Variants in TAF3 observed in about 807,000 individuals in gnomAD.
The protein encoded by TAF3 is TATA-box binding protein associated factor 3, also known as transcription initiation factor TFIID subunit 3.
TAF3 carries 7 observed loss-of-function variants against 80.6 expected under a neutral mutation model. The ratio of observed to expected loss-of-function variants is 0.09; its 90% CI spans 0.05 to 0.16. The LOEUF (loss-of-function observed/expected upper bound fraction) is 0.16, where lower values mean the gene tolerates loss of function less well. Ranked by LOEUF, TAF3 falls within the 10% of genes least tolerant of loss-of-function variation. TAF3 has a pLI of 1.00. For missense variants in TAF3, 921 were observed against 1,140.2 expected (o/e 0.81, Z 2.77); for synonymous variants, 444 against 446.1 (o/e 1.00, Z 0.06).
intron 4 of TAF3, among the ~76,000 whole-genome samples, chr10:7,998,267 A>ATATATG (rs1831909683): frequency 2.2e-5 from 1 of 45,924 alleles, no homozygotes; most frequent in African/African-American, 5.6e-5. Context: ...ATATATATGT[A>ATATATG]TATATATATA....
At chr10:7,855,830 C>T (rs1837073349) in intron 2 of TAF3, among the ~76,000 whole-genome samples, 1 of 151,770 alleles carries the variant, frequency 6.6e-6, no homozygotes, top group African/African-American at 2.4e-5. Flanking sequence ...ACCTGTAATC[C>T]CAGCTCTCAG....
chr10:7,975,687 C>A (rs1198067172), intron 3 of TAF3, among the ~76,000 whole-genome samples: 1 of 152,124 alleles, frequency 6.6e-6, no homozygotes, highest in African/African-American at 2.4e-5. Flanking sequence ...AGCAGTAGAT[C>A]TTGATGGGCT....
intron 2 of TAF3, among the ~76,000 whole-genome samples, chr10:7,922,736 A>C (rs1476097734): frequency 6.6e-6 from 1 of 152,108 alleles, no homozygotes; most frequent in Non-Finnish European, 1.5e-5. Flanking sequence ...CCAGTTTTAC[A>C]TACTGGAACG....
At chr10:7,925,000 A>G (rs1252152044) in intron 2 of TAF3, among the ~76,000 whole-genome samples, 3 of 152,236 alleles carry the variant, frequency 2.0e-5, no homozygotes, top group Non-Finnish European at 4.4e-5. Flanking sequence ...GAAATACTCT[A>G]GATTTGTAAG....
chr10:7,975,228 A>G (rs1831661921), intron 3 of TAF3: 1 of 175,056 alleles, frequency 5.7e-6, no homozygotes, highest in African/African-American at 2.4e-5. Flanking sequence ...TTTGTAGGGA[A>G]TTGACAGAGC....
At chr10:7,931,054 A>G (rs1053045239) in intron 2 of TAF3, among the ~76,000 whole-genome samples, 1 of 152,186 alleles carries the variant, frequency 6.6e-6, no homozygotes, top group South Asian at 2.1e-4. Context: ...GATGCCAGTA[A>G]AAGCATCTAA....
At position 8,016,378 on chromosome 10, in the gene TAF3, C is replaced by T. The variant is rs1455145324; in HGVS notation, c.*1627C>T. ...CTGCCATGAATGTTAAGTTGCAAAT[C>T]AGTGGAAATGGAGTCGACCTCTTCG... On this transcript the variant is annotated 3_prime_UTR_variant, in exon 7 of 7. Transcript: ENST00000344293. The T allele has an allele frequency of 6.6e-6, 1 of 152,134 alleles. No individual in the cohort carries two copies. The highest frequency in any genetic ancestry group is 1.5e-5 in the Non-Finnish European group (1 of 68,022). The allele number at this position is 152,134 out of a possible 1,614,324, so 9.4% of individuals were successfully genotyped here. A position where few individuals can be genotyped will look rare whatever the true frequency, so the allele number is the denominator to read the frequency against.
intron 2 of TAF3, among the ~76,000 whole-genome samples, chr10:7,913,286 A>G (rs1018985071): frequency 6.6e-6 from 1 of 152,144 alleles, no homozygotes. Flanking sequence ...GATTGAGTTC[A>G]TAGCAGATGG....
chr10:7,978,258 T>G (rs1259962436), intron 4 of TAF3, among the ~76,000 whole-genome samples: 1 of 152,198 alleles, frequency 6.6e-6, no homozygotes, highest in Admixed American at 6.5e-5. Context: ...ATGAATTTAT[T>G]TAGTAGAGAG....
intron 2 of TAF3, among the ~76,000 whole-genome samples, chr10:7,844,166 A>C (rs1003944249): frequency 3.3e-5 from 5 of 152,126 alleles, no homozygotes; most frequent in Admixed American, 1.3e-4. Context: ...AACTTACCTA[A>C]AACAGAATTT....
At chr10:7,863,702 T>C (rs1340359489) in intron 2 of TAF3, among the ~76,000 whole-genome samples, 41 of 76,962 alleles carry the variant, frequency 5.3e-4, no homozygotes, top group South Asian at 8.0e-4. Context: ...CATATATATA[T>C]ATACACATAT....
intron 2 of TAF3, among the ~76,000 whole-genome samples, chr10:7,872,920 G>C (rs950500180): frequency 6.6e-6 from 1 of 152,102 alleles, no homozygotes; most frequent in African/African-American, 2.4e-5. Flanking sequence ...AGGGAGTTTA[G>C]AGAGAATCCA....
intron 3 of TAF3, among the ~76,000 whole-genome samples, chr10:7,973,772 A>G (rs1252350784): frequency 6.6e-6 from 1 of 152,250 alleles, no homozygotes; most frequent in African/African-American, 2.4e-5. Context: ...AGTCTTAAAT[A>G]GTTCATAAGA....
chr10:7,837,684 G>A (rs1202718305), intron 2 of TAF3, among the ~76,000 whole-genome samples: 1 of 152,086 alleles, frequency 6.6e-6, no homozygotes, highest in African/African-American at 2.4e-5. Context: ...GAGTGGTGAT[G>A]TAAGCCTGAG....
intron 2 of TAF3, among the ~76,000 whole-genome samples, chr10:7,960,570 G>A (rs550911326): frequency 2.0e-5 from 3 of 152,240 alleles, no homozygotes; most frequent in East Asian, 3.9e-4. Context: ...ACGGGGAATC[G>A]CATGTGCAGA....
intron 2 of TAF3, among the ~76,000 whole-genome samples, chr10:7,869,185 A>T (rs1391988165): frequency 6.6e-6 from 1 of 152,216 alleles, no homozygotes; most frequent in African/African-American, 2.4e-5. Flanking sequence ...ATGTTTACAG[A>T]TAAGATAAAA....
At chr10:7,891,229 G>A (rs965397046) in intron 2 of TAF3, among the ~76,000 whole-genome samples, 1 of 152,168 alleles carries the variant, frequency 6.6e-6, no homozygotes, top group Non-Finnish European at 1.5e-5. Context: ...TTGATATAAA[G>A]GAGTAATTTT....
intron 4 of TAF3, among the ~76,000 whole-genome samples, chr10:7,982,980 C>G (rs1831739784): frequency 6.6e-6 from 1 of 152,026 alleles, no homozygotes; most frequent in African/African-American, 2.4e-5. Flanking sequence ...AATCAAGACT[C>G]TTGGTGGCAA....
intron 2 of TAF3, among the ~76,000 whole-genome samples, chr10:7,838,572 G>T (rs1460177883): frequency 1.3e-5 from 2 of 152,030 alleles, no homozygotes; most frequent in African/African-American, 4.8e-5. Context: ...TGTAGAGGTG[G>T]GATTTCACCA....
Sources: gnomAD v4.1 joint callset for allele counts (sites outside exome capture counted in the v4.1 genomes callset) on GRCh38, gnomAD v4.1.1 for gene constraint, MANE v1.5 for transcripts, NCBI Gene and HGNC (gene_info 2026-07-23, HGNC 2026-07-21) for gene names.